SLC4A3: variants seen among roughly 807,000 people sequenced by gnomAD.
SLC4A3 encodes the protein solute carrier family 4 member 3.
SLC4A3 carries 47 observed loss-of-function variants against 114.2 expected under a neutral mutation model. That is an observed-to-expected ratio of 0.41 (90% confidence interval 0.33 to 0.52). The LOEUF (loss-of-function observed/expected upper bound fraction) is 0.52, where lower values mean the gene tolerates loss of function less well. Ranked by LOEUF, SLC4A3 falls within the 20% of genes least tolerant of loss-of-function variation. The pLI, the probability that SLC4A3 is intolerant of heterozygous loss-of-function variation, is 0.21. For missense variants in SLC4A3, 1,312 were observed against 1,668.3 expected, an observed-to-expected ratio of 0.79 and a Z score of 3.72; for synonymous variants, 693 against 710.3, an observed-to-expected ratio of 0.98 and a Z score of 0.39.
chr2:219,638,883 G>C lies in SLC4A3; in HGVS notation c.3023+14G>C, dbSNP rs750806857. 1 of 1,611,878 alleles carries C rather than the reference G, an allele frequency of 6.2e-7. No individual in the cohort carries two copies. The highest frequency in any genetic ancestry group is 8.5e-7 in the Non-Finnish European group (1 of 1,179,858). ...ACAGATCACGGCGTGAGAGAGATGG[G>C]AGGAGGAGGTGGGAGGGACGAGGCC... On this transcript the variant is annotated intron_variant, in intron 19 of 22. Coordinates refer to ENST00000358055, the MANE Select transcript of SLC4A3 (RefSeq NM_005070.4). The surrounding 1 kb of genome is among the most constrained non-coding windows in gnomAD (Gnocchi z 7.5).
In SLC4A3 at chr2:219,630,066, C is replaced by T. The variant is rs1698864723; in HGVS notation, c.612-87C>T. The T allele has an allele frequency of 6.4e-7, 1 of 1,565,736 alleles. No homozygotes were observed. The highest frequency in any genetic ancestry group is 1.8e-5 in the Admixed American group (1 of 56,562). On this transcript the variant is annotated intron_variant, in intron 5 of 22. Coordinates refer to ENST00000358055, the MANE Select transcript of SLC4A3 (RefSeq NM_005070.4). This position sits in a 1 kb window ranked among gnomAD's most constrained non-coding sequence, Gnocchi z 6.9. Reference sequence around the variant, plus strand: ...GCCTGGGTCTCATGCTCAGGGTCTACTCCAGGCCGTGCTCTGAGCTGAGGG... The same window carrying T: ...GCCTGGGTCTCATGCTCAGGGTCTATTCCAGGCCGTGCTCTGAGCTGAGGG...
At position 219,629,265 on chromosome 2, in the gene SLC4A3, G is replaced by T. The variant is rs1242602910; in HGVS notation, c.339G>T (p.Glu113Asp). 6.2e-7 allele frequency: 1 copy of T among 1,613,998 alleles called. No homozygotes were observed. Among genetic ancestry groups the T allele is most frequent in the South Asian group, 1.1e-5 (1 of 91,078 alleles). Residue 113 changes from glutamate to aspartate, a missense_variant, in exon 4 of 23, where the codon GAG (glutamate) becomes GAT (aspartate). Physicochemically the swap from Glu to Asp is conservative, Grantham distance 45 (BLOSUM62 2). This residue lies in a region of SLC4A3 where 236 missense variants were observed against 212.1 expected (regional missense o/e 1.11). Transcript: ENST00000358055. ...ACACCAGGAGAAAGAGGAAGAAGGA[G>T]AAAACCTCTGCTCCTCCCTCCGAGG... Reference protein sequence around the residue: ...ARHTRRKRKKEKTSAPPSEGT... With the variant: ...ARHTRRKRKKDKTSAPPSEGT...
At position 219,629,298 on chromosome 2, in the gene SLC4A3, T is replaced by C; in HGVS notation, c.372T>C (p.Pro124=). 6.2e-7 allele frequency: 1 copy of C among 1,613,170 alleles called. No individual in the cohort carries two copies. The highest frequency in any genetic ancestry group is 8.5e-7 in the Non-Finnish European group (1 of 1,179,598). The change falls in exon 4 of 23, where the codon CCT becomes CCC. Residue 124 remains proline (P), a synonymous_variant. Transcript: ENST00000358055. ...KTSAPPSEGT[P]PIQEEGGAGV... is the part of the protein sequence containing the mutation. Reference sequence around the variant, plus strand: ...CTGCTCCTCCCTCCGAGGGGACCCCTCCCATCCAGGAGGAGGGGGGAGCTG... The same window carrying C: ...CTGCTCCTCCCTCCGAGGGGACCCCCCCCATCCAGGAGGAGGGGGGAGCTG...
rs1698793303 is a variant in SLC4A3 at position 219,628,353 on chromosome 2, G to A, written c.52-52G>A. 2 of 1,527,444 alleles carry A rather than the reference G, an allele frequency of 1.3e-6. No homozygotes were observed. Among genetic ancestry groups the A allele is most frequent in the African/African-American group, 1.4e-5 (1 of 72,534 alleles). The allele number at this position is 1,527,444 out of a possible 1,614,324, so 94.6% of individuals were successfully genotyped here. On this transcript the variant is annotated intron_variant, in intron 2 of 22. Transcript: ENST00000358055. The surrounding 1 kb of genome is among the most constrained non-coding windows in gnomAD (Gnocchi z 4.8). ...ACTAGGGCTTGGAGTTGGGGTGGGT[G>A]TGGGGCCTTCATGGGTCAGGGGTCC... is the stretch of plus-strand genomic sequence containing the variant.
Position 219,640,824 on chromosome 2 carries a change from C to G in SLC4A3, c.3483C>G (p.Ile1161Met). Residue 1161 changes from isoleucine to methionine, a missense_variant, in exon 22 of 23, where the codon ATC becomes ATG. Around this residue, in one of 4 missense-constraint regions of SLC4A3, gnomAD observed 301 missense variants for 460.7 expected, o/e 0.65. Coordinates refer to ENST00000358055, the MANE Select transcript of SLC4A3 (RefSeq NM_005070.4). ...GGCGGATGCATCTGTTCACCTGCATCCAGCTGGGCTGCATCGCACTGCTCT... is the reference window on the plus strand; with the variant it reads ...GGCGGATGCATCTGTTCACCTGCATGCAGCTGGGCTGCATCGCACTGCTCT... ...KTWRMHLFTC[I>M]QLGCIALLWV... The G allele has an allele frequency of 6.2e-7, 1 of 1,612,442 alleles. No homozygotes were observed. Among genetic ancestry groups the G allele is most frequent in the Non-Finnish European group, 8.5e-7 (1 of 1,179,996 alleles).
In SLC4A3 at chr2:219,628,149, G is replaced by A. The variant is rs1698784275; in HGVS notation, c.51+106G>A. On this transcript the variant is annotated intron_variant, in intron 2 of 22. Coordinates refer to ENST00000358055, the MANE Select transcript of SLC4A3 (RefSeq NM_005070.4). This position sits in a 1 kb window ranked among gnomAD's most constrained non-coding sequence, Gnocchi z 4.8. ...CCGACCCCGGGACCCCCCAGATCCAGGGATGAGCTGGGCTGGGGGTTACGG... is the reference window on the plus strand; with the variant it reads ...CCGACCCCGGGACCCCCCAGATCCAAGGATGAGCTGGGCTGGGGGTTACGG... 1 of 933,976 alleles carries A rather than the reference G, an allele frequency of 1.1e-6. No individual in the cohort carries two copies. Among genetic ancestry groups the A allele is most frequent in the African/African-American group, 1.7e-5 (1 of 59,174 alleles). The allele number at this position is 933,976 out of a possible 1,614,324, so 57.9% of individuals were successfully genotyped here.
Position 219,640,477 on chromosome 2 carries a change from G to A in SLC4A3, c.3325G>A (p.Val1109Met). Residue 1109 changes from valine to methionine, a missense_variant, in exon 21 of 23, where the codon GTG (valine) becomes ATG (methionine). Coordinates refer to ENST00000358055, the MANE Select transcript of SLC4A3 (RefSeq NM_005070.4). ...TGTGCTGCGTCGGATCCCATTGGCT[G>A]TGCTCTTTGGGATCTTCCTGTACAT... ...GAVLRRIPLA[V>M]LFGIFLYMGV... is the part of the protein sequence containing the mutation. 7 of 1,614,124 alleles carry A rather than the reference G, an allele frequency of 4.3e-6. No individual in the cohort carries two copies. The highest frequency in any genetic ancestry group is 5.9e-6 in the Non-Finnish European group (7 of 1,180,004).
chr2:219,638,165 C>A lies in SLC4A3; in HGVS notation c.2768C>A (p.Ala923Asp). ...FRNSRFLGGK[A>D]RRIIGDFGIP... is the part of the protein sequence containing the mutation. Reference sequence around the variant, plus strand: ...CTTCCCCAACTGGCCCCTCTCAAGGCTCGTCGCATCATCGGGGACTTTGGC... The same window carrying A: ...CTTCCCCAACTGGCCCCTCTCAAGGATCGTCGCATCATCGGGGACTTTGGC... The change falls in exon 18 of 23, where the codon GCT becomes GAT. Residue 923 changes from alanine (A) to aspartate (D), a missense_variant and splice_region_variant. Ala to Asp is a moderately radical substitution (Grantham distance 126). Coordinates refer to ENST00000358055, the MANE Select transcript of SLC4A3 (RefSeq NM_005070.4). This position sits in a 1 kb window ranked among gnomAD's most constrained non-coding sequence, Gnocchi z 7.5. The A allele has an allele frequency of 1.2e-6, 2 of 1,610,462 alleles. No individual in the cohort carries two copies. Among genetic ancestry groups the A allele is most frequent in the Non-Finnish European group, 1.7e-6 (2 of 1,178,036 alleles).
At position 219,637,435 on chromosome 2, in the gene SLC4A3, G is replaced by T; in HGVS notation, c.2536-146G>T. ...GTGTTCTGTGTGTTCTGTGTGTTGTGTGTGTGGTGCAGCTGGATGTCCGTG... is the reference window on the plus strand; with the variant it reads ...GTGTTCTGTGTGTTCTGTGTGTTGTTTGTGTGGTGCAGCTGGATGTCCGTG... On this transcript the variant is annotated intron_variant, in intron 16 of 22. Transcript: ENST00000358055. The surrounding 1 kb of genome is among the most constrained non-coding windows in gnomAD (Gnocchi z 4.6). 1.7e-6 allele frequency: 1 copy of T among 595,676 alleles called. No homozygotes were observed. Among genetic ancestry groups the T allele is most frequent in the Non-Finnish European group, 3.0e-6 (1 of 330,338 alleles). 36.9% of individuals were successfully genotyped at this position (595,676 alleles called of 1,614,324 possible). A position where few individuals can be genotyped will look rare whatever the true frequency, so the allele number is the denominator to read the frequency against.
At position 219,637,835 on chromosome 2, in the gene SLC4A3, C is replaced by T; in HGVS notation, c.2766+24C>T. ...AGGTGCGTGGCTGCTGGGTGTGGAG[C>T]CCCCAAGAGTCCCACAATTCCTGCT... On this transcript the variant is annotated intron_variant, in intron 17 of 22. Coordinates refer to ENST00000358055, the MANE Select transcript of SLC4A3 (RefSeq NM_005070.4). The surrounding 1 kb of genome is among the most constrained non-coding windows in gnomAD (Gnocchi z 4.6). 3.2e-6 allele frequency: 5 copies of T among 1,551,708 alleles called. No homozygotes were observed. Among genetic ancestry groups the T allele is most frequent in the South Asian group, 1.1e-5 (1 of 89,766 alleles).
rs539780387 is a variant in SLC4A3 at position 219,639,488 on chromosome 2, C to A, written c.3030C>A (p.Ile1010=). ...IFMETQITAL[I]VSQKARRLLK... is the part of the protein sequence containing the mutation. ...CCCCACCTTCTCCCTGCAGGCTTAT[C>A]GTCAGCCAGAAGGCGCGGAGGCTGC... Residue 1010 remains isoleucine, a synonymous_variant, in exon 20 of 23, where the codon ATC becomes ATA. Coordinates refer to ENST00000358055, the MANE Select transcript of SLC4A3 (RefSeq NM_005070.4). The surrounding 1 kb of genome is among the most constrained non-coding windows in gnomAD (Gnocchi z 5.9). The A allele has an allele frequency of 1.2e-6, 2 of 1,612,856 alleles. No homozygotes were observed. The highest frequency in any genetic ancestry group is 1.7e-6 in the Non-Finnish European group (2 of 1,179,660).
In SLC4A3 at chr2:219,636,513, G is replaced by T; in HGVS notation, c.2340+63G>T. 1.3e-6 allele frequency: 2 copies of T among 1,533,678 alleles called. No individual in the cohort carries two copies. The highest frequency in any genetic ancestry group is 1.8e-6 in the Non-Finnish European group (2 of 1,140,638). On this transcript the variant is annotated intron_variant, in intron 15 of 22. Coordinates refer to ENST00000358055, the MANE Select transcript of SLC4A3 (RefSeq NM_005070.4). The surrounding 1 kb of genome is among the most constrained non-coding windows in gnomAD (Gnocchi z 5.5). ...CCACACTCTTCCTTACCTACATCCTGCCCCACACTCTTCCTTACCTACATC... is the reference window on the plus strand; with the variant it reads ...CCACACTCTTCCTTACCTACATCCTTCCCCACACTCTTCCTTACCTACATC...
chr2:219,640,843 C>T lies in SLC4A3; in HGVS notation c.3502C>T (p.Leu1168=). ...CTGCATCCAGCTGGGCTGCATCGCA[C>T]TGCTCTGGGTGGTCAAGTCCACGGC... The part of the protein sequence containing the change: ...FTCIQLGCIA[L]LWVVKSTAAS... Residue 1168 remains leucine (L), a synonymous_variant, in exon 22 of 23, where the codon CTG becomes TTG. Transcript: ENST00000358055. The T allele has an allele frequency of 1.2e-6, 2 of 1,612,714 alleles. No individual in the cohort carries two copies. The highest frequency in any genetic ancestry group is 1.7e-6 in the Non-Finnish European group (2 of 1,180,026).
At position 219,631,441 on chromosome 2, in the gene SLC4A3, C is replaced by T. The variant is rs776209303; in HGVS notation, c.812-527C>T. The T allele has an allele frequency of 1.7e-5, 22 of 1,303,774 alleles. 2 individuals carry two copies. The South Asian group carries it at 2.7e-4, about 16-fold the overall frequency. The allele number at this position is 1,303,774 out of a possible 1,614,324, so 80.8% of individuals were successfully genotyped here. A position where few individuals can be genotyped will look rare whatever the true frequency, so the allele number is the denominator to read the frequency against. ...ATCAGGGGCCAGCTGGGCCCCATGG[C>T]AGGGCCACCAACTTGTGAGTAACGG... On this transcript the variant is annotated intron_variant, in intron 6 of 22. Coordinates refer to ENST00000358055, the MANE Select transcript of SLC4A3 (RefSeq NM_005070.4). The surrounding 1 kb of genome is among the most constrained non-coding windows in gnomAD (Gnocchi z 6.3).
At position 219,631,513 on chromosome 2, in the gene SLC4A3, A is replaced by C; in HGVS notation, c.812-455A>C. 7.8e-7 allele frequency: 1 copy of C among 1,281,184 alleles called. No individual in the cohort carries two copies. The highest frequency in any genetic ancestry group is 1.5e-5 in the African/African-American group (1 of 65,542). The allele number at this position is 1,281,184 out of a possible 1,614,324, so 79.4% of individuals were successfully genotyped here. On this transcript the variant is annotated intron_variant, in intron 6 of 22. Transcript: ENST00000358055. The surrounding 1 kb of genome is among the most constrained non-coding windows in gnomAD (Gnocchi z 6.3). ...TGCTGCTGGCCTGGGTGGGGCAGAC[A>C]GGAGGAAGGGAGCGAAGCCCTGCCT... is the stretch of plus-strand genomic sequence containing the variant.
chr2:219,636,409 T>C lies in SLC4A3; in HGVS notation c.2299T>C (p.Phe767Leu). 1 of 1,613,102 alleles carries C rather than the reference T, an allele frequency of 6.2e-7. No individual in the cohort carries two copies. The highest frequency in any genetic ancestry group is 8.5e-7 in the Non-Finnish European group (1 of 1,179,658). ...LGAQPLLVVG[F>L]SGPLLVFEEA... ...AGCTCAGCCGCTGCTTGTGGTTGGC[T>C]TCTCTGGGCCGCTGCTTGTGTTTGA... Residue 767 changes from phenylalanine (F) to leucine (L), a missense_variant, in exon 15 of 23, where the codon TTC becomes CTC. This residue lies in a region of SLC4A3 where 771 missense variants were observed against 977.7 expected (regional missense o/e 0.79). Coordinates refer to ENST00000358055, the MANE Select transcript of SLC4A3 (RefSeq NM_005070.4). The surrounding 1 kb of genome is among the most constrained non-coding windows in gnomAD (Gnocchi z 5.5).
rs368507348 is a variant in SLC4A3 at position 219,636,366 on chromosome 2, C to T, written c.2256C>T (p.Val752=). 30 of 1,613,662 alleles carry T rather than the reference C, an allele frequency of 1.9e-5. No homozygotes were observed. The African/African-American group carries it at 4.0e-4, about 22-fold the overall frequency. The change falls in exon 15 of 23, where the codon GTC becomes GTT. Residue 752 remains valine (V), a synonymous_variant. Transcript: ENST00000358055. This position sits in a 1 kb window ranked among gnomAD's most constrained non-coding sequence, Gnocchi z 5.5. ...ELIVSTAVLG[V]LFSLLGAQPL... is the part of the protein sequence containing the mutation. ...TCGTGTCCACCGCTGTGCTCGGCGT[C>T]CTCTTCTCTCTGCTGGGAGCTCAGC...
intron 1 of SLC4A3, 23 bp from the exon 2 acceptor site, chr2:219,627,877 C>T: frequency 1.2e-6 from 1 of 820,378 alleles, no homozygotes; most frequent in Non-Finnish European, 1.9e-6. Context: ...CGCAAGGAAC[C>T]TGACCCCGCC....
Position 219,635,659 on chromosome 2 carries a change from C to G in SLC4A3, c.1973-14C>G. ...GGGAGTGGTCTGTGCCCCAGCAGCC[C>G]CTTGTTCCCCCAGAACTGTCTTTGG... On this transcript the variant is annotated splice_polypyrimidine_tract_variant and intron_variant, in intron 13 of 22. Transcript: ENST00000358055. 1 of 1,564,904 alleles carries G rather than the reference C, an allele frequency of 6.4e-7. No individual in the cohort carries two copies. Among genetic ancestry groups the G allele is most frequent in the Non-Finnish European group, 8.7e-7 (1 of 1,154,254 alleles).
Sources: allele counts gnomAD v4.1 joint callset, GRCh38; gene constraint gnomAD v4.1.1; regional missense constraint gnomAD v4.1.1; non-coding constraint Gnocchi (gnomAD v3.1); transcripts MANE v1.5; gene names NCBI Gene and HGNC (gene_info 2026-07-23, HGNC 2026-07-21).